Variants in EFNA5 observed in about 807,000 individuals in gnomAD.
EFNA5 encodes ephrin A5.
EFNA5 carries 5 observed loss-of-function variants against 22.9 expected under a neutral mutation model. The ratio of observed to expected loss-of-function variants is 0.22; its 90% CI spans 0.11 to 0.46. EFNA5 has a LOEUF of 0.46. Ranked by LOEUF, EFNA5 falls within the 20% of genes least tolerant of loss-of-function variation. The pLI, the probability that EFNA5 is intolerant of heterozygous loss-of-function variation, is 0.99. For synonymous variants in EFNA5, 113 were observed against 112.2 expected (o/e 1.01, Z -0.04); for missense variants, 237 against 293.3 (o/e 0.81, Z 1.40).
chr5:107,653,006 G>C (rs1486772300), intron 1 of EFNA5, among the ~76,000 whole-genome samples: 1 of 151,988 alleles, frequency 6.6e-6, no homozygotes, highest in East Asian at 1.9e-4. Context: ...GGGATGCCAA[G>C]GCACTTAGGA....
chr5:107,636,679 C>G (rs763661058), intron 1 of EFNA5, among the ~76,000 whole-genome samples: 4 of 152,296 alleles, frequency 2.6e-5, no homozygotes, highest in Non-Finnish European at 4.4e-5. Flanking sequence ...AAGATCAGAT[C>G]ATGTTCTTGA....
intron 1 of EFNA5, among the ~76,000 whole-genome samples, chr5:107,654,162 G>C (rs1750783012): frequency 6.6e-6 from 1 of 152,066 alleles, no homozygotes; most frequent in Non-Finnish European, 1.5e-5. Flanking sequence ...ACCAGTAAAA[G>C]AGGCTTACTA....
intron 1 of EFNA5, among the ~76,000 whole-genome samples, chr5:107,454,800 A>G (rs1749650753): frequency 6.6e-6 from 1 of 152,280 alleles, no homozygotes; most frequent in South Asian, 2.1e-4. Context: ...TACATTTCAG[A>G]AAAAAATGTA....
intron 1 of EFNA5, among the ~76,000 whole-genome samples, chr5:107,523,853 G>A (rs899537229): frequency 1.1e-4 from 17 of 152,178 alleles, no homozygotes; most frequent in African/African-American, 3.6e-4. Context: ...GAAGCAGACT[G>A]TAGATTATTA....
chr5:107,387,406 CT>C, intron 3 of EFNA5, 91 bp from the exon 4 acceptor site: 6 of 829,354 alleles, frequency 7.2e-6, no homozygotes, highest in Non-Finnish European at 1.1e-5. Flanking sequence ...TCCTTTTTTT[CT>C]TTTTTTATGT....
At chr5:107,666,216 G>A (rs561875030) in intron 1 of EFNA5, among the ~76,000 whole-genome samples, 17 of 151,934 alleles carry the variant, frequency 1.1e-4, no homozygotes, top group African/African-American at 4.1e-4. Context: ...TCACAGTGCC[G>A]GCATACTGGT....
chr5:107,390,626 C>T (rs1254383193), intron 2 of EFNA5, among the ~76,000 whole-genome samples: 1 of 151,760 alleles, frequency 6.6e-6, no homozygotes, highest in East Asian at 1.9e-4. Context: ...TCTAGAGATA[C>T]ATCACTTTGT....
intron 1 of EFNA5, among the ~76,000 whole-genome samples, chr5:107,644,448 G>C (rs1252095512): frequency 6.6e-6 from 1 of 152,118 alleles, no homozygotes; most frequent in Non-Finnish European, 1.5e-5. Context: ...TGGTCTATCG[G>C]AATAGGCTCA....
At chr5:107,506,527 A>G (rs151943) in intron 1 of EFNA5, among the ~76,000 whole-genome samples, 60,803 of 152,028 alleles carry the variant, frequency 0.4, 12,805 homozygotes, top group East Asian at 0.72. Context: ...AATGAATCAG[A>G]TGACTGGAAA....
At chr5:107,475,892 T>C (rs1580477337) in intron 1 of EFNA5, among the ~76,000 whole-genome samples, 1 of 150,936 alleles carries the variant, frequency 6.6e-6, no homozygotes, top group African/African-American at 2.5e-5. Flanking sequence ...ACTTCCCAGA[T>C]CCTTTAAAAA....
At chr5:107,426,685 C>A (rs1748817529) in intron 2 of EFNA5, among the ~76,000 whole-genome samples, 1 of 152,192 alleles carries the variant, frequency 6.6e-6, no homozygotes, top group South Asian at 2.1e-4. Flanking sequence ...CTTCTAGACA[C>A]TTCTTCACAA....
intron 2 of EFNA5, among the ~76,000 whole-genome samples, chr5:107,395,052 T>TTTTTTTTTTTTTTG (rs1554056358): frequency 6.9e-6 from 1 of 144,286 alleles, no homozygotes; most frequent in East Asian, 2.0e-4. Context: ...TTTTTTTTTT[T>TTTTTTTTTTTTTTG]CCGCGAGACA....
intron 1 of EFNA5, among the ~76,000 whole-genome samples, chr5:107,468,845 G>A (rs1273306445): frequency 6.6e-6 from 1 of 152,106 alleles, no homozygotes. Context: ...AAGCATTAAG[G>A]AAATACAGCT....
chr5:107,467,741 C>T (rs1463698512), intron 1 of EFNA5, among the ~76,000 whole-genome samples: 1 of 152,092 alleles, frequency 6.6e-6, no homozygotes, highest in Admixed American at 6.6e-5. Context: ...GCTCTGAGTG[C>T]TAATGGCAGC....
intron 2 of EFNA5, among the ~76,000 whole-genome samples, chr5:107,395,613 A>C (rs1747902203): frequency 6.6e-6 from 1 of 152,238 alleles, no homozygotes; most frequent in Non-Finnish European, 1.5e-5. Context: ...CTAGTGTTCT[A>C]ACTATTCTCT....
In EFNA5 at chr5:107,528,910, C is replaced by T. The variant is rs139285761; in HGVS notation, c.126-101401G>A. Among the ~76,000 whole-genome samples the T allele has an allele frequency of 7.9e-5, 12 of 152,048 alleles. No individual in the cohort carries two copies. The East Asian group carries it at 1.5e-3, about 20-fold the overall frequency. On this transcript the variant is annotated intron_variant, in intron 1 of 4. Transcript: ENST00000333274. ...TTAGAAGCTTTATTTGTATAGAATA[C>T]GACTGAATAAATACATCAGAGTTAC...
chr5:107,517,540 A>G (rs61200118), intron 1 of EFNA5, among the ~76,000 whole-genome samples: 5,150 of 152,284 alleles, frequency 0.034, 249 homozygotes, highest in African/African-American at 0.11. Context: ...AAAAGTGCTC[A>G]CTATCATTAT....
At chr5:107,559,209 C>G (rs1748485451) in intron 1 of EFNA5, among the ~76,000 whole-genome samples, 1 of 152,222 alleles carries the variant, frequency 6.6e-6, no homozygotes, top group African/African-American at 2.4e-5. Flanking sequence ...TCCCACCACT[C>G]AGCACCTTTG....
chr5:107,411,417 A>G (rs1242051526), intron 2 of EFNA5, among the ~76,000 whole-genome samples: 1 of 152,244 alleles, frequency 6.6e-6, no homozygotes, highest in Non-Finnish European at 1.5e-5. Context: ...TATTCTTTCC[A>G]AAGCACAGGC....
Sources: gnomAD v4.1 joint callset for allele counts (sites outside exome capture counted in the v4.1 genomes callset) on GRCh38, gnomAD v4.1.1 for gene constraint, MANE v1.5 for transcripts, NCBI Gene and HGNC (gene_info 2026-07-23, HGNC 2026-07-21) for gene names.